The following CSMD1 variants were observed in gnomAD, a reference collection of about 807,000 sequenced individuals.
CSMD1 encodes the protein CUB and Sushi multiple domains 1, also known as CUB and sushi domain-containing protein 1.
CSMD1 carries 213 observed loss-of-function variants against 417.5 expected under a neutral mutation model. The observed-to-expected ratio is 0.51, with a 90% confidence interval of 0.46 to 0.57. The LOEUF (loss-of-function observed/expected upper bound fraction) is 0.57, where lower values mean the gene tolerates loss of function less well. CSMD1 is among the 20% of genes least tolerant of loss of function. The pLI is 0.00. For missense variants in CSMD1, 6,923 were observed against 4,529.7 expected (o/e 1.53, Z -15.17); for synonymous variants, 2,862 against 1,736.8 (o/e 1.65, Z -16.11).
intron 2 of CSMD1, among the ~76,000 whole-genome samples, chr8:4,433,578 T>C (rs570828160): frequency 1.3e-5 from 2 of 152,092 alleles, no homozygotes; most frequent in Non-Finnish European, 2.9e-5. Context: ...AACAGAGAGA[T>C]GAAAAGCGCC....
At chr8:3,499,623 G>T (rs192937608) in intron 10 of CSMD1, among the ~76,000 whole-genome samples, 233 of 152,082 alleles carry the variant, frequency 1.5e-3, no homozygotes, top group African/African-American at 5.0e-3. Context: ...CAGGGTCTTG[G>T]GAGCATGCAC....
intron 25 of CSMD1, among the ~76,000 whole-genome samples, chr8:3,296,168 C>T (rs896403406): frequency 6.6e-6 from 1 of 151,804 alleles, no homozygotes; most frequent in Non-Finnish European, 1.5e-5. Flanking sequence ...AAGGGGAAGC[C>T]TGAAGTATTA....
intron 2 of CSMD1, among the ~76,000 whole-genome samples, chr8:4,608,471 C>G (rs1358165375): frequency 6.6e-6 from 1 of 152,184 alleles, no homozygotes; most frequent in Non-Finnish European, 1.5e-5. Context: ...GGAGGAGAGA[C>G]AGAGTGTCAA....
chr8:4,942,256 A>T (rs969705252), intron 1 of CSMD1, among the ~76,000 whole-genome samples: 9 of 152,024 alleles, frequency 5.9e-5, no homozygotes, highest in Non-Finnish European at 1.2e-4. Context: ...TTCTGAAATC[A>T]CTTCCCTCTT....
At chr8:3,895,590 T>C (rs950872617) in intron 5 of CSMD1, among the ~76,000 whole-genome samples, 2 of 152,226 alleles carry the variant, frequency 1.3e-5, no homozygotes, top group Non-Finnish European at 2.9e-5. Context: ...ACCTTTCTAA[T>C]GCCCATATAT....
chr8:4,055,289 T>C (rs1585217481), intron 3 of CSMD1, among the ~76,000 whole-genome samples: 1 of 152,160 alleles, frequency 6.6e-6, no homozygotes, highest in African/African-American at 2.4e-5. Flanking sequence ...TTATTGTTTT[T>C]CTCTAGAAAG....
At chr8:3,907,591 G>A (rs1190857353) in intron 5 of CSMD1, among the ~76,000 whole-genome samples, 1 of 152,154 alleles carries the variant, frequency 6.6e-6, no homozygotes, top group African/African-American at 2.4e-5. Context: ...GCCAGGTACA[G>A]GCCAACATCA....
At chr8:4,512,526 C>T (rs929046406) in intron 2 of CSMD1, among the ~76,000 whole-genome samples, 2 of 152,006 alleles carry the variant, frequency 1.3e-5, no homozygotes, top group Non-Finnish European at 2.9e-5. Flanking sequence ...CTATGTATAA[C>T]ATCCTAAATA....
intron 3 of CSMD1, among the ~76,000 whole-genome samples, chr8:4,114,900 G>C (rs901816495): frequency 2.0e-5 from 3 of 152,302 alleles, no homozygotes; most frequent in African/African-American, 7.2e-5. Context: ...GCTTCTTCCA[G>C]ATAAGATAGG....
At chr8:3,142,074 G>T (rs1350452989) in intron 41 of CSMD1, among the ~76,000 whole-genome samples, 1 of 152,118 alleles carries the variant, frequency 6.6e-6, no homozygotes. Context: ...TGGGATTACA[G>T]GCGTGAGCCA....
intron 3 of CSMD1, among the ~76,000 whole-genome samples, chr8:4,358,456 G>T (rs1801560456): frequency 1.3e-5 from 2 of 152,182 alleles, no homozygotes; most frequent in African/African-American, 4.8e-5. Context: ...TCGGCCTGGG[G>T]GGAGCTGCCA....
At chr8:4,772,385 G>T (rs756506645) in intron 1 of CSMD1, among the ~76,000 whole-genome samples, 1 of 152,136 alleles carries the variant, frequency 6.6e-6, no homozygotes, top group Non-Finnish European at 1.5e-5. Flanking sequence ...GAGGACTTGA[G>T]TGGTTAGGTT....
At chr8:3,556,415 T>TATATATATATACACACACACATACATA (rs1799148435) in intron 10 of CSMD1, among the ~76,000 whole-genome samples, 1 of 57,102 alleles carries the variant, frequency 1.8e-5, no homozygotes, top group African/African-American at 6.2e-5. Context: ...ATATATATAT[T>TATATATATATACACACACACATACATA]CACACACACA....
intron 10 of CSMD1, among the ~76,000 whole-genome samples, chr8:3,536,361 G>A (rs563471278): frequency 6.6e-6 from 1 of 152,192 alleles, no homozygotes; most frequent in Non-Finnish European, 1.5e-5. Context: ...TTAAGTGAGG[G>A]TGTCAGAATT....
At chr8:4,043,399 G>C (rs1797992264) in intron 3 of CSMD1, among the ~76,000 whole-genome samples, 1 of 152,134 alleles carries the variant, frequency 6.6e-6, no homozygotes. Flanking sequence ...ATAAACATAG[G>C]AAGCGTAAAT....
chr8:3,619,680 G>C (rs186655574), intron 7 of CSMD1, among the ~76,000 whole-genome samples: 21 of 151,522 alleles, frequency 1.4e-4, no homozygotes, highest in Middle Eastern at 3.4e-3. Context: ...CAAAGAAAAA[G>C]AGAGAATCTT....
intron 39 of CSMD1, among the ~76,000 whole-genome samples, chr8:3,154,086 C>A (rs1214388243): frequency 6.6e-6 from 1 of 152,184 alleles, no homozygotes. Flanking sequence ...CCTGCCTCAG[C>A]CTCCCGAGTA....
At chr8:4,781,823 A>C (rs1357005308) in intron 1 of CSMD1, among the ~76,000 whole-genome samples, 1 of 152,224 alleles carries the variant, frequency 6.6e-6, no homozygotes, top group Non-Finnish European at 1.5e-5. Context: ...GTAAAACATC[A>C]TTCACGATGA....
At chr8:4,814,603 C>T (rs916013255) in intron 1 of CSMD1, among the ~76,000 whole-genome samples, 3 of 152,008 alleles carry the variant, frequency 2.0e-5, no homozygotes, top group Non-Finnish European at 4.4e-5. Context: ...AATAATAAAG[C>T]TATATTTTAA....
Sources: gnomAD v4.1 joint callset for allele counts (sites outside exome capture counted in the v4.1 genomes callset) on GRCh38, gnomAD v4.1.1 for gene constraint, MANE v1.5 for transcripts, NCBI Gene and HGNC (gene_info 2026-07-23, HGNC 2026-07-21) for gene names.